Variants in EGLN3 observed in about 807,000 individuals in gnomAD.
The protein encoded by EGLN3 is egl-9 family hypoxia inducible factor 3, also known as prolyl hydroxylase EGLN3.
Under a neutral mutation model 26.0 loss-of-function variants are expected in EGLN3, and 15 were observed. That is an observed-to-expected ratio of 0.58 (90% CI 0.39 to 0.89). EGLN3 has a LOEUF of 0.89. EGLN3 is among the 40% of genes least tolerant of loss of function. The pLI, the probability that EGLN3 is intolerant of heterozygous loss-of-function variation, is 0.00. For synonymous variants in EGLN3, 147 were observed against 127.2 expected, an observed-to-expected ratio of 1.16 and a Z score of -1.05; for missense variants, 238 against 311.6, an observed-to-expected ratio of 0.76 and a Z score of 1.78.
At chr14:33,934,371 A>G (rs2064425480) in intron 1 of EGLN3, among the ~76,000 whole-genome samples, 1 of 152,054 alleles carries the variant, frequency 6.6e-6, no homozygotes, top group Non-Finnish European at 1.5e-5. Context: ...TAGAACCGTA[A>G]CAGTCAAAAC....
chr14:33,928,067 C>T (rs1299843376), intron 3 of EGLN3, among the ~76,000 whole-genome samples: 1 of 152,062 alleles, frequency 6.6e-6, no homozygotes, highest in Non-Finnish European at 1.5e-5. Context: ...AATGTTTTCC[C>T]TGTAAGGCCA....
Position 33,931,141 on chromosome 14 carries a change from G to A in EGLN3, c.432C>T (p.Arg144=), listed in dbSNP as rs1232187828. 6.2e-7 allele frequency: 1 copy of A among 1,614,182 alleles called. No individual in the cohort carries two copies. The highest frequency in any genetic ancestry group is 1.3e-5 in the African/African-American group (1 of 75,052). ...TCAGATAGTAGATGCAGGTGATGCA[G>A]CGACCATCACCGTTGGGGTTGTCCA... The part of the protein sequence containing the change: ...RHVDNPNGDG[R]CITCIYYLNK... Residue 144 remains arginine, a synonymous_variant, in exon 2 of 5, where the codon CGC becomes CGT. Transcript: ENST00000250457.
intron 3 of EGLN3, among the ~76,000 whole-genome samples, chr14:33,928,636 T>C (rs1197227946): frequency 1.3e-5 from 2 of 152,166 alleles, no homozygotes; most frequent in Non-Finnish European, 2.9e-5. Context: ...AACAAATTAC[T>C]CTTTCTCTTC....
chr14:33,945,827 T>C (rs2064513889), intron 1 of EGLN3, among the ~76,000 whole-genome samples: 1 of 152,250 alleles, frequency 6.6e-6, no homozygotes, highest in South Asian at 2.1e-4. Flanking sequence ...CTCCATTAAA[T>C]AATGTATATT....
chr14:33,925,688 A>T lies in EGLN3; in HGVS notation c.*203T>A, dbSNP rs1225827715. 6.6e-6 allele frequency: 4 copies of T among 610,450 alleles called. No homozygotes were observed. The highest frequency in any genetic ancestry group is 1.1e-5 in the Non-Finnish European group (4 of 352,962). 37.8% of individuals were successfully genotyped at this position (610,450 alleles called of 1,614,324 possible). ...ATTTCTGGAGTTAGCAAGTAACTTC[A>T]TCTGGCAAAGAGAGTATCTGAAGAT... On this transcript the variant is annotated 3_prime_UTR_variant, in exon 5 of 5. Transcript: ENST00000250457.
intron 1 of EGLN3, among the ~76,000 whole-genome samples, chr14:33,941,938 A>C (rs762051180): frequency 6.6e-6 from 1 of 152,210 alleles, no homozygotes; most frequent in Non-Finnish European, 1.5e-5. Flanking sequence ...GAGGAAAGGA[A>C]GGCAGTGGTG....
chr14:33,950,802 G>T lies in EGLN3; in HGVS notation c.-50C>A. 7.8e-7 allele frequency: 1 copy of T among 1,288,578 alleles called. No individual in the cohort carries two copies. The highest frequency in any genetic ancestry group is 1.0e-6 in the Non-Finnish European group (1 of 988,718). 79.8% of individuals were successfully genotyped at this position (1,288,578 alleles called of 1,614,324 possible). A position where few individuals can be genotyped will look rare whatever the true frequency, so the allele number is the denominator to read the frequency against. On this transcript the variant is annotated 5_prime_UTR_variant, in exon 1 of 5. Transcript: ENST00000250457. ...GATCCCCAGCGTGCAACCAGAGAGGGAACGATCTACACGAGCGCGAAGCCG... is the reference window on the plus strand; with the variant it reads ...GATCCCCAGCGTGCAACCAGAGAGGTAACGATCTACACGAGCGCGAAGCCG...
intron 1 of EGLN3, among the ~76,000 whole-genome samples, chr14:33,942,252 C>A (rs1201449779): frequency 6.6e-6 from 1 of 151,268 alleles, no homozygotes; most frequent in African/African-American, 2.4e-5. Flanking sequence ...TAAGAAAGGG[C>A]CCCTCAAGGA....
intron 1 of EGLN3, among the ~76,000 whole-genome samples, chr14:33,945,647 T>C (rs924327090): frequency 4.6e-5 from 7 of 152,240 alleles, no homozygotes; most frequent in Admixed American, 4.6e-4. Context: ...ATGAGGCTCC[T>C]GAGAAAAGAA....
At chr14:33,944,175 G>T (rs1302284820) in intron 1 of EGLN3, among the ~76,000 whole-genome samples, 1 of 152,046 alleles carries the variant, frequency 6.6e-6, no homozygotes. Flanking sequence ...AGGCTGGAGT[G>T]CAATGGTGCA....
chr14:33,932,408 G>A (rs1307102789), intron 1 of EGLN3, among the ~76,000 whole-genome samples: 1 of 152,144 alleles, frequency 6.6e-6, no homozygotes, highest in East Asian at 1.9e-4. Context: ...ATAAATGGCA[G>A]CGTTGCTTCA....
intron 1 of EGLN3, among the ~76,000 whole-genome samples, chr14:33,935,968 C>T (rs968089334): frequency 1.3e-5 from 2 of 152,114 alleles, no homozygotes; most frequent in African/African-American, 4.8e-5. Context: ...CGCGGTGGCT[C>T]ACGCCTGTAA....
intron 1 of EGLN3, among the ~76,000 whole-genome samples, chr14:33,942,413 T>A (rs1479946897): frequency 2.0e-5 from 3 of 152,184 alleles, no homozygotes; most frequent in Non-Finnish European, 4.4e-5. Context: ...GAATCTTCAA[T>A]ATTTTGTGTT....
At chr14:33,944,283 G>C (rs117719294) in intron 1 of EGLN3, among the ~76,000 whole-genome samples, 810 of 152,132 alleles carry the variant, frequency 5.3e-3, no homozygotes, top group Non-Finnish European at 7.7e-3. Context: ...CACCATGCCC[G>C]GCTAGACTTT....
At chr14:33,945,098 C>T (rs1440568647) in intron 1 of EGLN3, among the ~76,000 whole-genome samples, 2 of 152,110 alleles carry the variant, frequency 1.3e-5, no homozygotes, top group Non-Finnish European at 2.9e-5. Flanking sequence ...CCTACAGGAG[C>T]TAAGTTATTT....
At chr14:33,947,943 C>G (rs1166684433) in intron 1 of EGLN3, among the ~76,000 whole-genome samples, 1 of 151,976 alleles carries the variant, frequency 6.6e-6, no homozygotes, top group African/African-American at 2.4e-5. Flanking sequence ...AGCTATGCAG[C>G]AGGCTGAGGC....
At position 33,929,091 on chromosome 14, in the gene EGLN3, G is replaced by A; in HGVS notation, c.599C>T (p.Pro200Leu). 6.2e-7 allele frequency: 1 copy of A among 1,613,998 alleles called. No individual in the cohort carries two copies. Among genetic ancestry groups the A allele is most frequent in the Non-Finnish European group, 8.5e-7 (1 of 1,180,008 alleles). ...CGGCTATTACCTGGTTGCGTAAGAGGGCTGCACTTCGTGTGGGTTCCTACG... is the reference window on the plus strand; with the variant it reads ...CGGCTATTACCTGGTTGCGTAAGAGAGCTGCACTTCGTGTGGGTTCCTACG... ...SDRRNPHEVQ[P>L]SYATRYAMTV... The change falls in exon 3 of 5, where the codon CCC becomes CTC. Residue 200 changes from proline to leucine, a missense_variant. Pro to Leu is a moderately conservative substitution (Grantham distance 98). Coordinates refer to ENST00000250457, the MANE Select transcript of EGLN3 (RefSeq NM_022073.4).
chr14:33,931,408 G>A, intron 1 of EGLN3, 193 bp from the exon 2 acceptor site: 2 of 682,236 alleles, frequency 2.9e-6, no homozygotes, highest in South Asian at 4.1e-5. Context: ...TCATACTATG[G>A]CTCTGCCCAG....
chr14:33,950,432 G>T lies in EGLN3; in HGVS notation c.321C>A (p.Ser107Arg). ...LIDRLVLYCG[S>R]RLGKYYVKER... ...CCTTGACGTAGTATTTGCCCAGCCG[G>T]CTCCCGCAGTAGAGGACCAGCCTGT... Residue 107 changes from serine to arginine, a missense_variant, in exon 1 of 5, where the codon AGC becomes AGA. By Grantham distance (110) the Ser-to-Arg change is moderately radical (BLOSUM62 -1). Transcript: ENST00000250457. 1 of 1,613,276 alleles carries T rather than the reference G, an allele frequency of 6.2e-7. No individual in the cohort carries two copies. The highest frequency in any genetic ancestry group is 8.5e-7 in the Non-Finnish European group (1 of 1,180,030).
Sources: gnomAD v4.1 joint callset for allele counts (sites outside exome capture counted in the v4.1 genomes callset) on GRCh38, gnomAD v4.1.1 for gene constraint, MANE v1.5 for transcripts, NCBI Gene and HGNC (gene_info 2026-07-23, HGNC 2026-07-21) for gene names.